GABBR2: variants seen among roughly 807,000 people sequenced by gnomAD.
GABBR2 encodes gamma-aminobutyric acid type B receptor subunit 2.
Under a neutral mutation model 105.6 loss-of-function variants are expected in GABBR2, and 23 were observed. The ratio of observed to expected loss-of-function variants is 0.22; its 90% confidence interval spans 0.16 to 0.31. The LOEUF is 0.31. GABBR2 is among the 10% of genes least tolerant of loss of function. The pLI is 1.00. For synonymous variants in GABBR2, 478 were observed against 499.7 expected (o/e 0.96, Z 0.58); for missense variants, 734 against 1,245.5 (o/e 0.59, Z 6.18).
At chr9:98,308,131 G>A (rs1171141051) in intron 14 of GABBR2, among the ~76,000 whole-genome samples, 1 of 152,184 alleles carries the variant, frequency 6.6e-6, no homozygotes, top group African/African-American at 2.4e-5. Context: ...CTACTTGGGA[G>A]GCTGAGGCAG....
intron 4 of GABBR2, among the ~76,000 whole-genome samples, chr9:98,493,508 G>A (rs10114771): frequency 1.4e-3 from 213 of 152,192 alleles, no homozygotes; most frequent in African/African-American, 4.8e-3. Context: ...TCTATTTGGC[G>A]ATTTCCTCTG....
At chr9:98,557,427 G>A (rs1828605837) in intron 2 of GABBR2, among the ~76,000 whole-genome samples, 1 of 152,180 alleles carries the variant, frequency 6.6e-6, no homozygotes. Context: ...TACTGTGTGG[G>A]GTCTCAGAGG....
At chr9:98,459,357 A>C (rs1307050612) in intron 6 of GABBR2, among the ~76,000 whole-genome samples, 1 of 152,204 alleles carries the variant, frequency 6.6e-6, no homozygotes, top group Non-Finnish European at 1.5e-5. Flanking sequence ...AGAGAAGATA[A>C]ATGCTTTGAG....
At chr9:98,356,771 G>A (rs745327351) in intron 13 of GABBR2, among the ~76,000 whole-genome samples, 2 of 152,152 alleles carry the variant, frequency 1.3e-5, no homozygotes, top group African/African-American at 2.4e-5. Flanking sequence ...GATGCCCTTC[G>A]GTGGGTGAAT....
At chr9:98,703,309 C>T (rs1359413647) in intron 1 of GABBR2, among the ~76,000 whole-genome samples, 1 of 152,116 alleles carries the variant, frequency 6.6e-6, no homozygotes, top group Non-Finnish European at 1.5e-5. Context: ...CTGCATACAG[C>T]ACACCTTAGG....
chr9:98,635,003 G>C (rs563870676), intron 1 of GABBR2, among the ~76,000 whole-genome samples: 39 of 152,222 alleles, frequency 2.6e-4, no homozygotes, highest in Non-Finnish European at 4.7e-4. Context: ...GCCTAGCTTT[G>C]TTTTCTGAGA....
At chr9:98,488,022 GA>G (rs1231629738) in intron 4 of GABBR2, among the ~76,000 whole-genome samples, 2 of 152,150 alleles carry the variant, frequency 1.3e-5, no homozygotes, top group African/African-American at 4.8e-5. Context: ...TACAGTGTGG[GA>G]AAGGCTCCAC....
chr9:98,433,305 T>A (rs547175574), intron 7 of GABBR2, among the ~76,000 whole-genome samples: 4 of 152,240 alleles, frequency 2.6e-5, no homozygotes, highest in Non-Finnish European at 5.9e-5. Context: ...TCTAGGTCAC[T>A]GTTTTATTAT....
chr9:98,564,552 G>A (rs1828723293), intron 2 of GABBR2, among the ~76,000 whole-genome samples: 1 of 152,230 alleles, frequency 6.6e-6, no homozygotes, highest in Non-Finnish European at 1.5e-5. Flanking sequence ...GTGAAATGAG[G>A]AGAATAACAG....
intron 13 of GABBR2, among the ~76,000 whole-genome samples, chr9:98,320,835 G>T (rs1395251188): frequency 7.2e-6 from 1 of 138,838 alleles, no homozygotes; most frequent in Non-Finnish European, 1.6e-5. Context: ...TTGTGGTGTG[G>T]GGGGAGGGGG....
intron 13 of GABBR2, among the ~76,000 whole-genome samples, chr9:98,331,396 CT>C (rs142735341): frequency 2.7e-3 from 203 of 75,988 alleles, no homozygotes; most frequent in South Asian, 5.9e-3. Context: ...AGTCCCTCTT[CT>C]TTTTTTTTTT....
intron 13 of GABBR2, among the ~76,000 whole-genome samples, chr9:98,346,433 CTT>C (rs1275305928): frequency 2.6e-5 from 4 of 152,004 alleles, no homozygotes; most frequent in African/African-American, 9.7e-5. Context: ...TTATTTTTTC[CTT>C]TTATTTTTAG....
chr9:98,438,780 C>T (rs528346637), intron 7 of GABBR2, among the ~76,000 whole-genome samples: 1 of 152,248 alleles, frequency 6.6e-6, no homozygotes, highest in South Asian at 2.1e-4. Context: ...AGGCTATTAA[C>T]CCTACCACAA....
intron 13 of GABBR2, among the ~76,000 whole-genome samples, chr9:98,325,584 A>G (rs7040300): frequency 0.5 from 76,642 of 151,870 alleles, 20,106 homozygotes; most frequent in East Asian, 0.77. Flanking sequence ...GAGCCACTGC[A>G]CCTGGCCTAG....
intron 7 of GABBR2, among the ~76,000 whole-genome samples, chr9:98,423,817 T>C (rs1186374645): frequency 6.6e-6 from 1 of 152,234 alleles, no homozygotes; most frequent in Non-Finnish European, 1.5e-5. Flanking sequence ...TTCAGCTTTC[T>C]ACATATGGCT....
At chr9:98,644,640 G>A (rs1014884612) in intron 1 of GABBR2, among the ~76,000 whole-genome samples, 2 of 152,106 alleles carry the variant, frequency 1.3e-5, no homozygotes, top group Non-Finnish European at 2.9e-5. Flanking sequence ...TTGAGAGTTC[G>A]AGACCAGCTT....
chr9:98,694,225 C>A (rs1027343553), intron 1 of GABBR2, among the ~76,000 whole-genome samples: 1 of 152,186 alleles, frequency 6.6e-6, no homozygotes, highest in Non-Finnish European at 1.5e-5. Flanking sequence ...CAACTAGCAA[C>A]CCCCCATGAT....
At chr9:98,627,532 G>A (rs1017119501) in intron 1 of GABBR2, among the ~76,000 whole-genome samples, 4 of 152,224 alleles carry the variant, frequency 2.6e-5, no homozygotes, top group Admixed American at 6.5e-5. Flanking sequence ...GTCCCCACTC[G>A]GGTCTGTTAG....
At chr9:98,433,948 T>A (rs1825857079) in intron 7 of GABBR2, among the ~76,000 whole-genome samples, 1 of 151,950 alleles carries the variant, frequency 6.6e-6, no homozygotes, top group Non-Finnish European at 1.5e-5. Flanking sequence ...AAGGATACAA[T>A]CCTTCAATCC....
Sources: gnomAD v4.1 joint callset for allele counts (sites outside exome capture counted in the v4.1 genomes callset) on GRCh38, gnomAD v4.1.1 for gene constraint, MANE v1.5 for transcripts, NCBI Gene and HGNC (gene_info 2026-07-23, HGNC 2026-07-21) for gene names.